Variants in IL4I1 observed in about 807,000 individuals in gnomAD.
IL4I1 encodes the protein interleukin 4 induced 1.
A neutral mutation model predicts 29.7 loss-of-function variants in IL4I1; 24 were observed. That is an observed-to-expected ratio of 0.81 (90% CI 0.59 to 1.14). The LOEUF is 1.14. Ranked by LOEUF, IL4I1 falls within the 50% of genes most tolerant of loss-of-function variation. The pLI is 0.00. For synonymous variants in IL4I1, 371 were observed against 352.5 expected (o/e 1.05, Z -0.59); for missense variants, 686 against 785.6 (o/e 0.87, Z 1.52).
chr19:49,918,597 G>A (rs929141789), intron 2 of IL4I1: 5 of 152,186 alleles, frequency 3.3e-5, no homozygotes, highest in Admixed American at 3.3e-4. Flanking sequence ...TCAACCTACA[G>A]GCATAACCGA....
Position 49,889,977 on chromosome 19 carries a change from T to G in IL4I1, c.1397A>C (p.Lys466Thr). Reference sequence around the variant, plus strand: ...GCCATAAGGGACCGTCCAGTCATCCTTTTCGGTTTGCCAGAGCGCCGGCGG... The same window carrying G: ...GCCATAAGGGACCGTCCAGTCATCCGTTTCGGTTTGCCAGAGCGCCGGCGG... ...VQPPALWQTE[K>T]DDWTVPYGRI... is the part of the protein sequence containing the mutation. Residue 466 changes from lysine (K) to threonine (T), a missense_variant, in exon 8 of 8, where the codon AAG becomes ACG. By Grantham distance (78) the Lys-to-Thr change is moderately conservative. Transcript: ENST00000391826. 6.4e-7 allele frequency: 1 copy of G among 1,573,108 alleles called. No homozygotes were observed. The highest frequency in any genetic ancestry group is 1.7e-4 in the Middle Eastern group (1 of 6,012).
At chr19:49,909,651 T>C (rs374534307) in intron 2 of IL4I1, 2 of 1,614,052 alleles carry the variant, frequency 1.2e-6, no homozygotes, top group Non-Finnish European at 1.7e-6. Context: ...GAAGGGGTAC[T>C]TGTGGCTGGT....
chr19:49,896,101 GA>G, intron 2 of IL4I1, 46 bp downstream of exon 2: 1 of 1,585,446 alleles, frequency 6.3e-7, no homozygotes, highest in Non-Finnish European at 8.6e-7. Context: ...GGTCGGGGGA[GA>G]GGGGTTCTAC....
intron 2 of IL4I1, chr19:49,909,701 G>A: frequency 6.2e-7 from 1 of 1,614,194 alleles, no homozygotes; most frequent in Non-Finnish European, 8.5e-7. Flanking sequence ...AGTGCCAGAG[G>A]TGGAGAAAGA....
At chr19:49,899,546 G>GT (rs1439556525), upstream of IL4I1, among the ~76,000 whole-genome samples, 153 of 146,920 alleles carry the variant, frequency 1.0e-3, 4 homozygotes, top group South Asian at 0.016. Context: ...TACCACACCT[G>GT]TTTTTTGTTT....
chr19:49,905,476 T>A (rs944966255), intron 2 of IL4I1, among the ~76,000 whole-genome samples: 1 of 152,220 alleles, frequency 6.6e-6, no homozygotes, highest in African/African-American at 2.4e-5. Flanking sequence ...AGGTGACAGC[T>A]TTCAGAGAGA....
chr19:49,915,028 C>A (rs1373635332), intron 2 of IL4I1, among the ~76,000 whole-genome samples: 1 of 152,068 alleles, frequency 6.6e-6, no homozygotes, highest in Non-Finnish European at 1.5e-5. Context: ...GAGTGAGCCA[C>A]TGTGCCCGGC....
intron 2 of IL4I1, among the ~76,000 whole-genome samples, chr19:49,918,910 G>C (rs1182133518): frequency 8.8e-6 from 1 of 113,742 alleles, no homozygotes; most frequent in Non-Finnish European, 1.9e-5. Flanking sequence ...GGGGGGGGGC[G>C]GGGTGTGGGG....
intron 7 of IL4I1, 100 bp from the exon 8 acceptor site, chr19:49,890,700 C>T: frequency 9.2e-7 from 1 of 1,086,304 alleles, no homozygotes; most frequent in Non-Finnish European, 1.3e-6. Context: ...CTTATGGGCA[C>T]CGGCCCGCTC....
intron 2 of IL4I1, among the ~76,000 whole-genome samples, chr19:49,905,398 G>T (rs12980435): frequency 0.13 from 20,305 of 152,106 alleles, 1,763 homozygotes; most frequent in Non-Finnish European, 0.2. Context: ...GGGACTCAAG[G>T]CCTCCCTTCC....
chr19:49,920,781 G>A (rs750651990), intron 2 of IL4I1, among the ~76,000 whole-genome samples: 5 of 152,246 alleles, frequency 3.3e-5, no homozygotes, highest in Admixed American at 1.3e-4. Context: ...GGCCTGGAGA[G>A]GGACTGAGGC....
intron 2 of IL4I1, among the ~76,000 whole-genome samples, chr19:49,920,870 G>A (rs1054545486): frequency 6.6e-6 from 1 of 152,178 alleles, no homozygotes; most frequent in South Asian, 2.1e-4. Context: ...TGCCCCATCC[G>A]CAGCCCCTCT....
Position 49,891,422 on chromosome 19 carries a change from C to T in IL4I1, c.619G>A (p.Glu207Lys), listed in dbSNP as rs1294836600. The change falls in exon 6 of 8, where the codon GAA (glutamate) becomes AAA (lysine). Residue 207 changes from glutamate (E) to lysine (K), a missense_variant. Physicochemically the swap from Glu to Lys is moderately conservative, Grantham distance 56. Transcript: ENST00000391826. ...CCACTTACCAAGAGCGTGTGCCTTT[C>T]AAACTTCTTCATCGCCTTTCTGCAG... ...LGCRKAMKKF[E>K]RHTLLEYLLG... 1 of 1,614,166 alleles carries T rather than the reference C, an allele frequency of 6.2e-7. No individual in the cohort carries two copies. The highest frequency in any genetic ancestry group is 2.2e-5 in the East Asian group (1 of 44,882).
chr19:49,915,159 G>T (rs959176484), intron 2 of IL4I1, among the ~76,000 whole-genome samples: 1 of 152,098 alleles, frequency 6.6e-6, no homozygotes, highest in South Asian at 2.1e-4. Flanking sequence ...TATGTGTGTG[G>T]GGGGGTAGAC....
chr19:49,919,615 C>T (rs551222550), intron 2 of IL4I1, among the ~76,000 whole-genome samples: 13 of 152,272 alleles, frequency 8.5e-5, no homozygotes, highest in East Asian at 7.7e-4. Context: ...AGTCACCTGA[C>T]GGCTAATTAG....
intron 5 of IL4I1, 94 bp from the exon 6 acceptor site, chr19:49,891,567 C>G: frequency 9.2e-7 from 1 of 1,083,352 alleles, no homozygotes; most frequent in Non-Finnish European, 1.4e-6. Context: ...CCTCGTGGTT[C>G]TGCCCACGGC....
chr19:49,922,493 T>C (rs1374565825), intron 2 of IL4I1, among the ~76,000 whole-genome samples: 1 of 151,716 alleles, frequency 6.6e-6, no homozygotes, highest in Admixed American at 6.6e-5. Context: ...TCACTGCTTG[T>C]AAAGTCCAGC....
intron 2 of IL4I1, chr19:49,907,506 C>T (rs548884388): frequency 6.8e-6 from 3 of 439,386 alleles, no homozygotes; most frequent in Admixed American, 2.6e-5. Context: ...AGCTCACACT[C>T]GAAAACTAGG....
chr19:49,925,237 G>A (rs2075858651), intron 2 of IL4I1, among the ~76,000 whole-genome samples: 1 of 151,860 alleles, frequency 6.6e-6, no homozygotes, highest in Non-Finnish European at 1.5e-5. Flanking sequence ...CTCCAGCCTG[G>A]GCAACAAGAG....
Sources: allele counts gnomAD v4.1 joint callset (sites outside exome capture counted in the v4.1 genomes callset), GRCh38; gene constraint gnomAD v4.1.1; transcripts MANE v1.5; gene names NCBI Gene and HGNC (gene_info 2026-07-23, HGNC 2026-07-21).